Variants in TUSC3 observed in about 807,000 individuals in gnomAD.
TUSC3 encodes the protein dolichyl-diphosphooligosaccharide--protein glycosyltransferase subunit TUSC3.
TUSC3 carries 45 observed loss-of-function variants against 44.8 expected under a neutral mutation model. That is an observed-to-expected ratio of 1.00 (90% CI 0.79 to 1.29). TUSC3 has a LOEUF of 1.29. TUSC3 is among the 50% of genes most tolerant of loss of function. TUSC3 has a pLI of 0.00. For synonymous variants in TUSC3, 212 were observed against 152.9 expected, an observed-to-expected ratio of 1.39 and a Z score of -2.85; for missense variants, 519 against 437.9, an observed-to-expected ratio of 1.19 and a Z score of -1.65.
chr8:15,554,585 T>C (rs1374150183), intron 1 of TUSC3, among the ~76,000 whole-genome samples: 4 of 150,050 alleles, frequency 2.7e-5, no homozygotes, highest in Non-Finnish European at 4.4e-5. Flanking sequence ...CTGTTGACTT[T>C]TGCATTTTAC....
At chr8:15,672,912 A>G (rs760680114) in intron 5 of TUSC3, among the ~76,000 whole-genome samples, 1 of 152,094 alleles carries the variant, frequency 6.6e-6, no homozygotes, top group Non-Finnish European at 1.5e-5. Context: ...AGAGCCAGGA[A>G]GCTGAAGTAA....
chr8:15,742,981 G>A (rs111639365), intron 7 of TUSC3, among the ~76,000 whole-genome samples: 3 of 152,164 alleles, frequency 2.0e-5, no homozygotes, highest in Non-Finnish European at 4.4e-5. Flanking sequence ...TAGCTGACTA[G>A]CTCAGGGTCC....
At chr8:15,445,740 C>A (rs913120782) in intron 1 of TUSC3, among the ~76,000 whole-genome samples, 1 of 152,240 alleles carries the variant, frequency 6.6e-6, no homozygotes, top group African/African-American at 2.4e-5. Flanking sequence ...CAGTAACAAT[C>A]TGATCTCTGT....
intron 2 of TUSC3, among the ~76,000 whole-genome samples, chr8:15,636,539 C>T (rs1195875052): frequency 6.6e-6 from 1 of 152,082 alleles, no homozygotes; most frequent in Non-Finnish European, 1.5e-5. Context: ...ATCAAACTGG[C>T]GTTGGTACAT....
At chr8:15,674,873 A>G (rs913843009) in intron 6 of TUSC3, among the ~76,000 whole-genome samples, 24 of 152,180 alleles carry the variant, frequency 1.6e-4, no homozygotes, top group Non-Finnish European at 1.6e-4. Context: ...AATAATTGGA[A>G]GCAATTTTAG....
intron 1 of TUSC3, among the ~76,000 whole-genome samples, chr8:15,617,825 T>C (rs796850540): frequency 2.0e-5 from 3 of 152,190 alleles, no homozygotes; most frequent in Admixed American, 6.5e-5. Context: ...TTTAAAAATA[T>C]GTAAGGCAGA....
At chr8:15,720,195 T>TACACACACAC (rs1466395656) in intron 6 of TUSC3, among the ~76,000 whole-genome samples, 34 of 101,458 alleles carry the variant, frequency 3.4e-4, no homozygotes, top group African/African-American at 1.4e-3. Flanking sequence ...ATAGTGTATA[T>TACACACACAC]ATATATACAC....
intron 2 of TUSC3, among the ~76,000 whole-genome samples, chr8:15,492,954 C>T (rs77067141): frequency 1.3e-3 from 198 of 152,174 alleles, no homozygotes; most frequent in Middle Eastern, 6.8e-3. Flanking sequence ...GTTGCCACTG[C>T]ACTCCAGCCT....
At chr8:15,472,061 A>T (rs2129123142) in intron 1 of TUSC3, among the ~76,000 whole-genome samples, 1 of 152,370 alleles carries the variant, frequency 6.6e-6, no homozygotes, top group Non-Finnish European at 1.5e-5. Flanking sequence ...CTAATTTTTC[A>T]AAAATATATG....
chr8:15,643,048 G>A (rs1038760231), intron 2 of TUSC3, among the ~76,000 whole-genome samples: 1 of 152,180 alleles, frequency 6.6e-6, no homozygotes, highest in Non-Finnish European at 1.5e-5. Context: ...AGGGACCCAT[G>A]TTGTTCTGAT....
chr8:15,427,142 G>T (rs1799814127), intron 1 of TUSC3, among the ~76,000 whole-genome samples: 1 of 148,062 alleles, frequency 6.8e-6, no homozygotes, highest in Admixed American at 6.8e-5. Context: ...CCCCTTATGA[G>T]ATACATAGTT....
chr8:15,741,274 A>G (rs989671022), intron 7 of TUSC3, among the ~76,000 whole-genome samples: 2 of 152,242 alleles, frequency 1.3e-5, no homozygotes, highest in African/African-American at 4.8e-5. Context: ...CCCCAGTAAT[A>G]GAAATACTGC....
At chr8:15,817,034 GC>G in the TUSC3 span, among the ~76,000 whole-genome samples, 1 of 152,100 alleles carries the variant, frequency 6.6e-6, no homozygotes, top group African/African-American at 2.4e-5. Flanking sequence ...TTTGGAACTT[GC>G]TTTTTAAAAA....
At chr8:15,447,022 G>A (rs2129119578) in intron 1 of TUSC3, among the ~76,000 whole-genome samples, 1 of 151,782 alleles carries the variant, frequency 6.6e-6, no homozygotes, top group Non-Finnish European at 1.5e-5. Context: ...GACATGGAGA[G>A]TAACTTCAAT....
chr8:15,587,670 C>T (rs1803655306), intron 1 of TUSC3, among the ~76,000 whole-genome samples: 1 of 151,960 alleles, frequency 6.6e-6, no homozygotes, highest in South Asian at 2.1e-4. Context: ...GAACTTATTC[C>T]TCCTATCTGG....
intron 1 of TUSC3, among the ~76,000 whole-genome samples, chr8:15,553,088 G>C (rs1307321813): frequency 6.6e-6 from 1 of 151,750 alleles, no homozygotes; most frequent in Non-Finnish European, 1.5e-5. Context: ...GGAAACAGGA[G>C]AAGAAAGATT....
intron 1 of TUSC3, among the ~76,000 whole-genome samples, chr8:15,424,567 C>G (rs28482020): frequency 1.3e-5 from 2 of 152,060 alleles, no homozygotes; most frequent in African/African-American, 4.8e-5. Context: ...ATGAGCCTTA[C>G]GGATGTTAAA....
At chr8:15,669,035 T>G (rs145251806) in intron 5 of TUSC3, among the ~76,000 whole-genome samples, 18 of 151,786 alleles carry the variant, frequency 1.2e-4, no homozygotes, top group Non-Finnish European at 5.9e-5. Context: ...CACTGGACTC[T>G]TATTGGAAAA....
chr8:15,848,422 G>C, the TUSC3 span, among the ~76,000 whole-genome samples: 3 of 152,164 alleles, frequency 2.0e-5, no homozygotes, highest in African/African-American at 4.8e-5. Context: ...CTTTAGACCA[G>C]GGTGTCCTGC....
Sources: allele counts gnomAD v4.1 joint callset (sites outside exome capture counted in the v4.1 genomes callset), GRCh38; gene constraint gnomAD v4.1.1; transcripts MANE v1.5; gene names NCBI Gene and HGNC (gene_info 2026-07-23, HGNC 2026-07-21).